STAB2: variants seen among roughly 807,000 people sequenced by gnomAD.
The protein encoded by STAB2 is stabilin-2.
Under a neutral mutation model 338.1 loss-of-function variants are expected in STAB2, and 288 were observed. The ratio of observed to expected loss-of-function variants is 0.85; its 90% CI spans 0.77 to 0.94. The LOEUF (loss-of-function observed/expected upper bound fraction) is 0.94. Ranked by LOEUF, STAB2 falls within the 40% of genes least tolerant of loss-of-function variation. STAB2 has a pLI of 0.00. For synonymous variants in STAB2, 1,202 were observed against 1,193.3 expected (o/e 1.01, Z -0.15); for missense variants, 3,141 against 3,210.1 (o/e 0.98, Z 0.52).
At chr12:103,678,943 G>A (rs1876644216) in intron 25 of STAB2, among the ~76,000 whole-genome samples, 3 of 152,176 alleles carry the variant, frequency 2.0e-5, no homozygotes, top group African/African-American at 7.2e-5. Context: ...TGGAACATCG[G>A]TCCTGCGGGC....
chr12:103,604,902 C>T (rs1957004581), intron 3 of STAB2, among the ~76,000 whole-genome samples: 1 of 151,278 alleles, frequency 6.6e-6, no homozygotes, highest in Admixed American at 6.6e-5. Context: ...TATTATTTTT[C>T]TAACTTCTTT....
chr12:103,684,306 A>G (rs1158311563), intron 26 of STAB2, among the ~76,000 whole-genome samples: 4 of 152,192 alleles, frequency 2.6e-5, no homozygotes, highest in East Asian at 1.9e-4. Flanking sequence ...GAGTCCGTCA[A>G]TTGTGGCCAA....
intron 24 of STAB2, 86 bp from the exon 25 acceptor site, chr12:103,677,367 A>G: frequency 6.7e-7 from 1 of 1,483,230 alleles, no homozygotes; most frequent in Non-Finnish European, 9.1e-7. Flanking sequence ...TTTCTGGAAC[A>G]TATGTCTGGA....
chr12:103,651,033 TAAG>T (rs1393405376), intron 11 of STAB2, among the ~76,000 whole-genome samples: 4 of 152,130 alleles, frequency 2.6e-5, no homozygotes, highest in South Asian at 4.1e-4. Flanking sequence ...AAGGAAAAAA[TAAG>T]AAGAAAATTT....
intron 4 of STAB2, among the ~76,000 whole-genome samples, chr12:103,621,355 G>C (rs1957299050): frequency 6.7e-6 from 1 of 150,080 alleles, no homozygotes; most frequent in Non-Finnish European, 1.5e-5. Context: ...TCTCATGAAA[G>C]TGACTTTTTG....
In STAB2 at chr12:103,711,471, C is replaced by T; in HGVS notation, c.4289C>T (p.Ala1430Val). The change falls in exon 40 of 69, where the codon GCA (alanine) becomes GTA (valine). Residue 1430 changes from alanine to valine, a missense_variant and splice_region_variant. By Grantham distance (64) the Ala-to-Val change is moderately conservative (BLOSUM62 0). Transcript: ENST00000388887. ...GACAGCAACTGGTTCTCTTTTTCAG[C>T]AACCACAGAAGACAACTGCAATGGG... ...VGWRGVHCDN[A>V]TTEDNCNGTC... The T allele has an allele frequency of 1.2e-6, 2 of 1,614,070 alleles. No homozygotes were observed. The highest frequency in any genetic ancestry group is 1.7e-6 in the Non-Finnish European group (2 of 1,180,016).
intron 23 of STAB2, among the ~76,000 whole-genome samples, chr12:103,675,487 A>C (rs933911760): frequency 6.6e-6 from 1 of 152,234 alleles, no homozygotes; most frequent in African/African-American, 2.4e-5. Context: ...TTGCTGAACC[A>C]GAGGTAATAA....
intron 67 of STAB2, 63 bp downstream of exon 67, chr12:103,762,465 G>A (rs530628260): frequency 1.2e-6 from 2 of 1,609,410 alleles, no homozygotes; most frequent in African/African-American, 2.7e-5. Context: ...CCCTGGACCT[G>A]GGCTGCTTCA....
intron 59 of STAB2, 77 bp downstream of exon 59, chr12:103,749,233 C>T: frequency 1.4e-6 from 2 of 1,413,026 alleles, no homozygotes; most frequent in Non-Finnish European, 1.9e-6. Flanking sequence ...ACCTCCCATA[C>T]TCTGCTTATC....
intron 4 of STAB2, among the ~76,000 whole-genome samples, chr12:103,621,593 G>T (rs1041226783): frequency 6.6e-6 from 1 of 152,178 alleles, no homozygotes; most frequent in Non-Finnish European, 1.5e-5. Flanking sequence ...TTATCCGGGT[G>T]TGGTGGTGTG....
intron 5 of STAB2, among the ~76,000 whole-genome samples, chr12:103,622,545 T>C (rs1957318738): frequency 6.6e-6 from 1 of 152,266 alleles, no homozygotes; most frequent in South Asian, 2.1e-4. Flanking sequence ...TTCAATCTCA[T>C]CTACCTATTA....
Position 103,728,701 on chromosome 12 carries a change from C to A in STAB2, c.4936-148C>A, listed in dbSNP as rs1205359348. The A allele has an allele frequency of 6.3e-6, 6 of 957,224 alleles. No homozygotes were observed. In the African/African-American group the frequency reaches 6.5e-5, roughly 10 times the overall value. 59.3% of individuals were successfully genotyped at this position (957,224 alleles called of 1,614,324 possible). On this transcript the variant is annotated intron_variant, in intron 47 of 68. Coordinates refer to ENST00000388887, the MANE Select transcript of STAB2 (RefSeq NM_017564.10). ...CTCCCTTTTGTCTGAACAGCCTCCACTCTATAATCCTGACCACAAAGCTTA... is the reference window on the plus strand; with the variant it reads ...CTCCCTTTTGTCTGAACAGCCTCCAATCTATAATCCTGACCACAAAGCTTA...
chr12:103,734,873 C>T (rs986376145), intron 51 of STAB2, among the ~76,000 whole-genome samples: 3 of 152,140 alleles, frequency 2.0e-5, no homozygotes, highest in African/African-American at 7.2e-5. Context: ...TCTGGAAATC[C>T]TTGGTGCTCC....
At chr12:103,592,125 T>A (rs184842815) in intron 2 of STAB2, 15 of 152,342 alleles carry the variant, frequency 9.8e-5, no homozygotes, top group Admixed American at 9.1e-4. Context: ...TCAGATGGGA[T>A]AACTTTTACC....
At chr12:103,619,213 A>G (rs931349270) in intron 3 of STAB2, among the ~76,000 whole-genome samples, 1 of 152,118 alleles carries the variant, frequency 6.6e-6, no homozygotes, top group East Asian at 1.9e-4. Flanking sequence ...GCTAACTTAA[A>G]TGGGGGAACA....
At chr12:103,670,431 A>C (rs1875653148) in intron 21 of STAB2, among the ~76,000 whole-genome samples, 1 of 152,122 alleles carries the variant, frequency 6.6e-6, no homozygotes, top group East Asian at 1.9e-4. Context: ...CTTATCCCTT[A>C]AGCATTGTTG....
At chr12:103,594,715 A>G (rs183446248) in intron 3 of STAB2, among the ~76,000 whole-genome samples, 63 of 152,340 alleles carry the variant, frequency 4.1e-4, no homozygotes, top group African/African-American at 1.4e-3. Context: ...ATCTCTCTTT[A>G]AAAGAATTCC....
At chr12:103,719,564 G>A (rs951504800) in intron 44 of STAB2, among the ~76,000 whole-genome samples, 4 of 152,114 alleles carry the variant, frequency 2.6e-5, no homozygotes, top group South Asian at 2.1e-4. Context: ...GGCATTCCTG[G>A]CCTGCGGCCG....
At chr12:103,725,603 C>T (rs995567097) in intron 45 of STAB2, among the ~76,000 whole-genome samples, 6 of 150,250 alleles carry the variant, frequency 4.0e-5, no homozygotes, top group Admixed American at 1.3e-4. Flanking sequence ...CATGTGTGTA[C>T]GTGTGTGTGC....
Sources: allele counts gnomAD v4.1 joint callset (sites outside exome capture counted in the v4.1 genomes callset), GRCh38; gene constraint gnomAD v4.1.1; transcripts MANE v1.5; gene names NCBI Gene and HGNC (gene_info 2026-07-23, HGNC 2026-07-21).